Variants in OR14L1 observed in about 807,000 individuals in gnomAD.
The protein encoded by OR14L1 is olfactory receptor family 14 subfamily L member 1.
chr1:247,620,284 C>G, the OR14L1 span: 1 of 151,986 alleles, frequency 6.6e-6, no homozygotes, highest in Non-Finnish European at 1.5e-5. Context: ...TGTAATTACT[C>G]TCTCCTACAT....
At chr1:247,619,798 C>T in the OR14L1 span, 2 of 152,196 alleles carry the variant, frequency 1.3e-5, no homozygotes, top group Non-Finnish European at 2.9e-5. Context: ...TCTGGATGTT[C>T]ACCTCCAAAC....
At chr1:247,621,192 G>A in the OR14L1 span, 1 of 152,144 alleles carries the variant, frequency 6.6e-6, no homozygotes, top group Non-Finnish European at 1.5e-5. Context: ...ACAATATTAT[G>A]TTAAGCTAAC....
chr1:247,619,342 TA>T, the OR14L1 span, among the ~76,000 whole-genome samples: 2 of 152,338 alleles, frequency 1.3e-5, no homozygotes, highest in African/African-American at 4.8e-5. Context: ...CTTTTGTTAA[TA>T]CTATATATTT....
At chr1:247,617,402 T>C in the OR14L1 span, 2 of 152,348 alleles carry the variant, frequency 1.3e-5, no homozygotes, top group Non-Finnish European at 2.9e-5. Context: ...TAGCATGCAG[T>C]AAGTTCAATA....
the OR14L1 span, chr1:247,620,991 A>G: frequency 1.3e-5 from 2 of 152,312 alleles, no homozygotes; most frequent in South Asian, 2.1e-4. Context: ...ACATAAGGTA[A>G]CAGTGTGTGC....
At chr1:247,622,129 G>A in the OR14L1 span, 1 of 152,024 alleles carries the variant, frequency 6.6e-6, no homozygotes, top group African/African-American at 2.4e-5. Context: ...TAAATCAAAG[G>A]TTTTTGGTAA....
chr1:247,619,215 C>G, the OR14L1 span, among the ~76,000 whole-genome samples: 11 of 152,192 alleles, frequency 7.2e-5, no homozygotes, highest in East Asian at 1.9e-3. Context: ...CTATGACAAA[C>G]CACTTGCAAT....
chr1:247,619,426 C>T, the OR14L1 span, among the ~76,000 whole-genome samples: 3 of 152,062 alleles, frequency 2.0e-5, no homozygotes, highest in African/African-American at 7.2e-5. Flanking sequence ...GTCTTTTATA[C>T]ACCTCACATA....
the OR14L1 span, chr1:247,619,836 GTCTT>G: frequency 6.6e-6 from 1 of 152,268 alleles, no homozygotes; most frequent in East Asian, 1.9e-4. Context: ...TGAGAAACTT[GTCTT>G]TCTTAGATTT....
the OR14L1 span, chr1:247,622,225 A>G: frequency 2.0e-5 from 3 of 152,158 alleles, no homozygotes; most frequent in Non-Finnish European, 4.4e-5. Flanking sequence ...AGTGATTCTC[A>G]CAATATTTCA....
chr1:247,618,426 AG>A, the OR14L1 span, among the ~76,000 whole-genome samples: 1 of 152,154 alleles, frequency 6.6e-6, no homozygotes, highest in African/African-American at 2.4e-5. Flanking sequence ...CATAAATTCC[AG>A]CTACATTATT....
chr1:247,619,041 A>T, the OR14L1 span, among the ~76,000 whole-genome samples: 1 of 152,196 alleles, frequency 6.6e-6, no homozygotes, highest in Non-Finnish European at 1.5e-5. Flanking sequence ...CTTTTACTAT[A>T]AGAGCCAACC....
the OR14L1 span, chr1:247,619,890 T>C: frequency 6.6e-6 from 1 of 152,220 alleles, no homozygotes; most frequent in Non-Finnish European, 1.5e-5. Flanking sequence ...CTATTGTTAG[T>C]TCCTTGACTC....
At chr1:247,617,711 CGTGT>C in the OR14L1 span, among the ~76,000 whole-genome samples, 1 of 144,558 alleles carries the variant, frequency 6.9e-6, no homozygotes, top group Non-Finnish European at 1.5e-5. Flanking sequence ...TGTGTGTGTG[CGTGT>C]GTGTGTGTGT....
chr1:247,621,583 C>T, the OR14L1 span: 1 of 152,136 alleles, frequency 6.6e-6, no homozygotes, highest in Non-Finnish European at 1.5e-5. Flanking sequence ...TTGAAACACA[C>T]AATACATTGG....
At chr1:247,620,916 G>A in the OR14L1 span, 40 of 152,012 alleles carry the variant, frequency 2.6e-4, no homozygotes, top group African/African-American at 7.5e-4. Flanking sequence ...AATTACTACC[G>A]TATGTGTATA....
At chr1:247,622,108 T>C in the OR14L1 span, 1 of 152,222 alleles carries the variant, frequency 6.6e-6, no homozygotes, top group East Asian at 1.9e-4. Context: ...TCACAAATAT[T>C]GCATTTTTTA....
chr1:247,622,286 T>C, the OR14L1 span: 1 of 152,186 alleles, frequency 6.6e-6, no homozygotes, highest in Admixed American at 6.6e-5. Flanking sequence ...ATCAGTGATG[T>C]TCAATGTTAC....
the OR14L1 span, among the ~76,000 whole-genome samples, chr1:247,619,259 G>A: frequency 6.6e-6 from 1 of 152,050 alleles, no homozygotes; most frequent in East Asian, 1.9e-4. Context: ...CAAATAAAAT[G>A]CTTCAAAATA....
Sources: allele counts gnomAD v4.1 joint callset (sites outside exome capture counted in the v4.1 genomes callset), GRCh38; gene constraint gnomAD v4.1.1; transcripts MANE v1.5; gene names NCBI Gene and HGNC (gene_info 2026-07-23, HGNC 2026-07-21).